Variants in FBLN7 observed in about 807,000 individuals in gnomAD.
FBLN7 encodes the protein fibulin-7.
A neutral mutation model predicts 44.0 loss-of-function variants in FBLN7; 31 were observed. That is an observed-to-expected ratio of 0.70 (90% confidence interval 0.53 to 0.95). The LOEUF is 0.95. Among genes scored for constraint, FBLN7 ranks in the 40% least tolerant of loss-of-function variants. The probability of loss-of-function intolerance (pLI) is 0.00; values close to 1 mark genes in which losing one functional copy is unlikely to be tolerated. For synonymous variants in FBLN7, 262 were observed against 253.4 expected, an observed-to-expected ratio of 1.03 and a Z score of -0.32; for missense variants, 573 against 618.5, an observed-to-expected ratio of 0.93 and a Z score of 0.78.
chr2:112,225,176 T>C, the FBLN7 span, among the ~76,000 whole-genome samples: 2 of 152,218 alleles, frequency 1.3e-5, no homozygotes, highest in Non-Finnish European at 2.9e-5. Flanking sequence ...TTTTATTTTG[T>C]ATGTGTGCAT....
chr2:112,211,559 C>A, the FBLN7 span: 2 of 152,152 alleles, frequency 1.3e-5, no homozygotes, highest in Non-Finnish European at 2.9e-5. Flanking sequence ...TAACTATGTA[C>A]AACTTCAGTT....
intron 3 of FBLN7, among the ~76,000 whole-genome samples, chr2:112,171,835 C>T (rs1682478723): frequency 6.6e-6 from 1 of 152,192 alleles, no homozygotes; most frequent in South Asian, 2.1e-4. Context: ...CAAGCTCTGC[C>T]TCCTGGGTTC....
chr2:112,209,594 T>G, the FBLN7 span, among the ~76,000 whole-genome samples: 2 of 152,198 alleles, frequency 1.3e-5, no homozygotes, highest in Admixed American at 1.3e-4. Context: ...AGAACATGAC[T>G]ACATTGAGAA....
At chr2:112,192,980 AG>A (rs1683536477), downstream of FBLN7, among the ~76,000 whole-genome samples, 1 of 152,228 alleles carries the variant, frequency 6.6e-6, no homozygotes, top group African/African-American at 2.4e-5. Context: ...GTAATGTCAA[AG>A]AGGGATGAGA....
chr2:112,149,817 T>C (rs1318691671), intron 1 of FBLN7, among the ~76,000 whole-genome samples: 1 of 152,228 alleles, frequency 6.6e-6, no homozygotes, highest in Non-Finnish European at 1.5e-5. Flanking sequence ...AAGTACAATT[T>C]GTAACTCAAG....
the FBLN7 span, among the ~76,000 whole-genome samples, chr2:112,219,491 A>G: frequency 2.0e-5 from 3 of 152,194 alleles, no homozygotes; most frequent in Admixed American, 6.5e-5. Flanking sequence ...AGAGGAAAAC[A>G]TAAGGGAAAG....
chr2:112,140,012 T>TCCCTCCCGCCTCTCTCCAGGC (rs1680550776), intron 1 of FBLN7, among the ~76,000 whole-genome samples: 1 of 16,066 alleles, frequency 6.2e-5, no homozygotes, highest in Non-Finnish European at 1.1e-4. Flanking sequence ...TCTCTCCAGG[T>TCCCTCCCGCCTCTCTCCAGGC]CAGCGTCCCT....
the FBLN7 span, chr2:112,236,436 C>T: frequency 4.7e-5 from 63 of 1,332,140 alleles, no homozygotes; most frequent in Admixed American, 1.3e-4. Flanking sequence ...CATCTTCATC[C>T]GAAAACCGAT....
chr2:112,205,720 G>A, the FBLN7 span, among the ~76,000 whole-genome samples: 1 of 152,000 alleles, frequency 6.6e-6, no homozygotes, highest in East Asian at 1.9e-4. Context: ...CTTCATTACT[G>A]TAGCTTATAG....
At chr2:112,167,560 G>C (rs1420422461) in intron 3 of FBLN7, among the ~76,000 whole-genome samples, 5 of 152,142 alleles carry the variant, frequency 3.3e-5, no homozygotes, top group Non-Finnish European at 4.4e-5. Context: ...CAAACATTCA[G>C]GTCCTCCAGA....
chr2:112,197,864 CTTT>C, the FBLN7 span, among the ~76,000 whole-genome samples: 1 of 152,250 alleles, frequency 6.6e-6, no homozygotes, highest in African/African-American at 2.4e-5. Context: ...GGACTTTTTT[CTTT>C]TTCTATTTCT....
the FBLN7 span, chr2:112,236,834 G>T: frequency 1.2e-6 from 1 of 805,500 alleles, no homozygotes; most frequent in Non-Finnish European, 1.9e-6. Flanking sequence ...ACTGCTCAAA[G>T]CTAGGAGTTC....
intron 3 of FBLN7, among the ~76,000 whole-genome samples, chr2:112,170,527 G>C (rs545751017): frequency 7.5e-6 from 1 of 133,978 alleles, no homozygotes; most frequent in Non-Finnish European, 1.6e-5. Context: ...ACCCTGTCTC[G>C]AAAGTGAAAA....
the FBLN7 span, among the ~76,000 whole-genome samples, chr2:112,231,256 A>G: frequency 1.3e-5 from 2 of 152,176 alleles, no homozygotes; most frequent in African/African-American, 4.8e-5. Context: ...ACATATGCTC[A>G]AGGGAACATT....
At chr2:112,234,992 A>G in the FBLN7 span, among the ~76,000 whole-genome samples, 1 of 152,156 alleles carries the variant, frequency 6.6e-6, no homozygotes, top group Non-Finnish European at 1.5e-5. Flanking sequence ...AAATTAACAC[A>G]CGCAACTAGA....
the FBLN7 span, among the ~76,000 whole-genome samples, chr2:112,217,109 C>G: frequency 6.6e-6 from 1 of 152,184 alleles, no homozygotes; most frequent in African/African-American, 2.4e-5. Context: ...TGGCTCACAC[C>G]TGTAATCCCA....
At chr2:112,225,250 A>G in the FBLN7 span, among the ~76,000 whole-genome samples, 2 of 152,202 alleles carry the variant, frequency 1.3e-5, no homozygotes, top group East Asian at 1.9e-4. Flanking sequence ...TTAAAAAAAA[A>G]ACTAACAAAA....
chr2:112,181,869 C>T lies in FBLN7; in HGVS notation c.663C>T (p.Val221=), dbSNP rs1158240023. Residue 221 remains valine, a synonymous_variant, in exon 5 of 8, where the codon GTC becomes GTT. Transcript: ENST00000331203. ...FHLSGAAGDS[V]CQDVNECELY... ...TGAGCGGCGCCGCCGGCGACAGCGT[C>T]TGCCAGGGTAGGCGCGGGCTCCGCC... 1 of 1,532,654 alleles carries T rather than the reference C, an allele frequency of 6.5e-7. No homozygotes were observed. The highest frequency in any genetic ancestry group is 8.7e-7 in the Non-Finnish European group (1 of 1,145,188). 94.9% of individuals were successfully genotyped at this position (1,532,654 alleles called of 1,614,324 possible). A position where few individuals can be genotyped will look rare whatever the true frequency, so the allele number is the denominator to read the frequency against.
intron 3 of FBLN7, among the ~76,000 whole-genome samples, chr2:112,167,718 T>G (rs2104578689): frequency 6.6e-6 from 1 of 152,306 alleles, no homozygotes; most frequent in Non-Finnish European, 1.5e-5. Context: ...GAAGCACCAC[T>G]TGGTTCGTTC....
Sources: gnomAD v4.1 joint callset for allele counts (sites outside exome capture counted in the v4.1 genomes callset) on GRCh38, gnomAD v4.1.1 for gene constraint, MANE v1.5 for transcripts, NCBI Gene and HGNC (gene_info 2026-07-23, HGNC 2026-07-21) for gene names.